NCKAP5: variants seen among roughly 807,000 people sequenced by gnomAD.
The protein encoded by NCKAP5 is NCK associated protein 5, also known as nck-associated protein 5.
A neutral mutation model predicts 167.0 loss-of-function variants in NCKAP5; 92 were observed. The observed-to-expected ratio is 0.55, with a 90% CI of 0.47 to 0.66. NCKAP5 has a LOEUF of 0.66. Among genes scored for constraint, NCKAP5 ranks in the 30% least tolerant of loss-of-function variants. The probability of loss-of-function intolerance (pLI) is 0.00; values close to 1 mark genes in which losing one functional copy is unlikely to be tolerated. For missense variants in NCKAP5, 2,378 were observed against 2,315.0 expected, an observed-to-expected ratio of 1.03 and a Z score of -0.56; for synonymous variants, 891 against 877.4, an observed-to-expected ratio of 1.02 and a Z score of -0.27.
chr2:133,294,123 C>G (rs1679791514), intron 4 of NCKAP5, among the ~76,000 whole-genome samples: 1 of 152,150 alleles, frequency 6.6e-6, no homozygotes, highest in Non-Finnish European at 1.5e-5. Context: ...CATTCTCTCC[C>G]CAAGAGACAG....
intron 7 of NCKAP5, among the ~76,000 whole-genome samples, chr2:132,970,612 T>A (rs1373876786): frequency 6.6e-6 from 1 of 152,180 alleles, no homozygotes; most frequent in Non-Finnish European, 1.5e-5. Flanking sequence ...TCAGTTTGCA[T>A]CGAAGGGTTT....
intron 4 of NCKAP5, among the ~76,000 whole-genome samples, chr2:133,268,687 G>C (rs924671989): frequency 1.3e-3 from 205 of 151,940 alleles, no homozygotes; most frequent in African/African-American, 4.6e-3. Context: ...TTTCACCGTG[G>C]TCTCGATCTC....
chr2:132,958,399 C>G (rs2076405887), intron 8 of NCKAP5, among the ~76,000 whole-genome samples: 1 of 152,194 alleles, frequency 6.6e-6, no homozygotes. Flanking sequence ...TCTACCTGGT[C>G]TCCCTGCCCC....
chr2:133,582,375 C>T, the NCKAP5 span, among the ~76,000 whole-genome samples: 5 of 152,162 alleles, frequency 3.3e-5, no homozygotes, highest in East Asian at 9.6e-4. Flanking sequence ...CATGATCAGA[C>T]TGGGGGAGTG....
At chr2:133,671,124 G>A in the NCKAP5 span, among the ~76,000 whole-genome samples, 1 of 150,340 alleles carries the variant, frequency 6.7e-6, no homozygotes, top group Non-Finnish European at 1.5e-5. Flanking sequence ...CTGAGGCAGG[G>A]GAATGGCGAG....
intron 11 of NCKAP5, among the ~76,000 whole-genome samples, chr2:132,857,644 A>G (rs1204658145): frequency 1.3e-5 from 2 of 152,218 alleles, no homozygotes; most frequent in African/African-American, 4.8e-5. Flanking sequence ...CGCCATCTCA[A>G]TTCCTTGGAA....
the NCKAP5 span, among the ~76,000 whole-genome samples, chr2:133,579,117 T>C: frequency 8.5e-5 from 13 of 152,334 alleles, no homozygotes; most frequent in African/African-American, 2.6e-4. Context: ...ATATCTTAAC[T>C]CATTTAATCT....
At chr2:133,272,677 A>G (rs1024785131) in intron 4 of NCKAP5, among the ~76,000 whole-genome samples, 3 of 152,126 alleles carry the variant, frequency 2.0e-5, no homozygotes, top group Admixed American at 2.0e-4. Context: ...CCTTAGAACA[A>G]TTTATTTACC....
At chr2:133,607,141 A>G in the NCKAP5 span, among the ~76,000 whole-genome samples, 2 of 152,266 alleles carry the variant, frequency 1.3e-5, no homozygotes, top group South Asian at 4.1e-4. Flanking sequence ...TGTACCACAT[A>G]AAAAGCCTTC....
At chr2:132,715,057 T>C (rs1689236237) in intron 19 of NCKAP5, among the ~76,000 whole-genome samples, 1 of 152,168 alleles carries the variant, frequency 6.6e-6, no homozygotes, top group Admixed American at 6.5e-5. Flanking sequence ...AGGTTTCTGA[T>C]TAGTTAAGGA....
At chr2:133,546,412 T>C (rs1233944115) in intron 2 of NCKAP5, among the ~76,000 whole-genome samples, 1 of 152,238 alleles carries the variant, frequency 6.6e-6, no homozygotes, top group African/African-American at 2.4e-5. Flanking sequence ...GGAACTTCCC[T>C]GGAGCATTCT....
chr2:133,087,569 AT>A (rs1215900380), intron 6 of NCKAP5, among the ~76,000 whole-genome samples: 3 of 152,106 alleles, frequency 2.0e-5, no homozygotes, highest in African/African-American at 7.2e-5. Flanking sequence ...CTAGACAAAC[AT>A]TTCGCTTGGC....
Position 132,672,888 on chromosome 2 carries a change from C to T in NCKAP5, c.*401G>A. 1 of 871,312 alleles carries T rather than the reference C, an allele frequency of 1.1e-6. No homozygotes were observed. Among genetic ancestry groups the T allele is most frequent in the Non-Finnish European group, 1.4e-6 (1 of 724,372 alleles). 54.0% of individuals were successfully genotyped at this position (871,312 alleles called of 1,614,324 possible). Reference sequence around the variant, plus strand: ...AGAGAAATAAGCTCTGGTGGGTTGCCTGCTGTGAATTTGACAAGGAAGGCT... The same window carrying T: ...AGAGAAATAAGCTCTGGTGGGTTGCTTGCTGTGAATTTGACAAGGAAGGCT... On this transcript the variant is annotated 3_prime_UTR_variant, in exon 20 of 20. Transcript: ENST00000409261.
At chr2:132,910,351 TAC>T (rs1317383198) in intron 8 of NCKAP5, among the ~76,000 whole-genome samples, 2 of 152,092 alleles carry the variant, frequency 1.3e-5, no homozygotes, top group Admixed American at 1.3e-4. Flanking sequence ...TAGTAGCTCT[TAC>T]ACATTCTTCC....
chr2:133,386,526 T>G (rs957388962), intron 3 of NCKAP5, among the ~76,000 whole-genome samples: 27 of 152,182 alleles, frequency 1.8e-4, no homozygotes, highest in African/African-American at 6.5e-4. Flanking sequence ...TACATTCTGT[T>G]GATTTGGGGT....
At chr2:133,425,644 G>A (rs1689745904) in intron 3 of NCKAP5, among the ~76,000 whole-genome samples, 2 of 152,062 alleles carry the variant, frequency 1.3e-5, no homozygotes, top group South Asian at 2.1e-4. Flanking sequence ...ATAGTATGAA[G>A]GTTAAAAAGT....
intron 1 of NCKAP5, among the ~76,000 whole-genome samples, chr2:133,561,308 A>T (rs1688140471): frequency 1.3e-5 from 2 of 152,126 alleles, no homozygotes; most frequent in Non-Finnish European, 2.9e-5. Flanking sequence ...ATTTTAAGTG[A>T]ACTGTTTTAA....
chr2:132,712,230 T>G (rs1437510963), intron 19 of NCKAP5, among the ~76,000 whole-genome samples: 2 of 152,276 alleles, frequency 1.3e-5, no homozygotes, highest in African/African-American at 4.8e-5. Flanking sequence ...CATTCCCTGA[T>G]TTGCTCACTT....
At chr2:132,956,816 A>G (rs2076357638) in intron 8 of NCKAP5, among the ~76,000 whole-genome samples, 1 of 152,126 alleles carries the variant, frequency 6.6e-6, no homozygotes, top group African/African-American at 2.4e-5. Context: ...TCTTAGCAGC[A>G]CTCAACAAGG....
Sources: gnomAD v4.1 joint callset for allele counts (sites outside exome capture counted in the v4.1 genomes callset) on GRCh38, gnomAD v4.1.1 for gene constraint, MANE v1.5 for transcripts, NCBI Gene and HGNC (gene_info 2026-07-23, HGNC 2026-07-21) for gene names.